The following TNXB variants were observed in gnomAD, a reference collection of about 807,000 sequenced individuals.
The protein encoded by TNXB is tenascin-X.
In TNXB, 183 loss-of-function variants were observed where a neutral mutation model predicts 340.5. The observed-to-expected ratio is 0.54, with a 90% CI of 0.48 to 0.61. The LOEUF is 0.61. TNXB is among the 20% of genes least tolerant of loss of function. TNXB has a pLI of 0.00. For synonymous variants in TNXB, 2,121 were observed against 2,314.5 expected (o/e 0.92, Z 2.40); for missense variants, 4,613 against 5,446.4 (o/e 0.85, Z 4.82).
chr6:32,101,581 A>G (rs897981531), intron 1 of TNXB, among the ~76,000 whole-genome samples: 4 of 127,110 alleles, frequency 3.1e-5, no homozygotes, highest in South Asian at 2.6e-4. Flanking sequence ...GAGCCACCGC[A>G]CCCAGCCTTT....
At chr6:32,050,552 G>A (rs955762644) in intron 26 of TNXB, among the ~76,000 whole-genome samples, 3 of 137,092 alleles carry the variant, frequency 2.2e-5, no homozygotes, top group African/African-American at 8.3e-5. Context: ...ACCTCTCCCT[G>A]TCCCTCCAGC....
In TNXB at chr6:32,064,333, C is replaced by T. The variant is rs1010377277; in HGVS notation, c.6841+488G>A. ...GTTCAAGCGATTCTCCCGCCTTAGC[C>T]TCCCGAGTAGCTGGGACTACAGGCA... On this transcript the variant is annotated intron_variant, in intron 19 of 43. Coordinates refer to ENST00000644971, the MANE Select transcript of TNXB (RefSeq NM_001365276.2). This position sits in a 1 kb window ranked among gnomAD's most constrained non-coding sequence, Gnocchi z 5.3. Among the ~76,000 whole-genome samples, 5 of 152,220 alleles carry T rather than the reference C, an allele frequency of 3.3e-5. No homozygotes were observed. The highest frequency in any genetic ancestry group is 2.6e-4 in the Admixed American group (4 of 15,286).
In TNXB at chr6:32,072,258, A is replaced by C; in HGVS notation, c.4722T>G (p.Pro1574=). 12 of 1,606,348 alleles carry C rather than the reference A, an allele frequency of 7.5e-6. No homozygotes were observed. Among genetic ancestry groups the C allele is most frequent in the Non-Finnish European group, 1.0e-5 (12 of 1,176,070 alleles). ...PPAPATEASK[P]PLEPRLGELT... is the part of the protein sequence containing the mutation. ...GCTCCCCTAGGCGTGGCTCCAGGGGAGGCTTGGAGGCCTCTGTGGCTGGGG... is the reference window on the plus strand; with the variant it reads ...GCTCCCCTAGGCGTGGCTCCAGGGGCGGCTTGGAGGCCTCTGTGGCTGGGG... Residue 1574 remains proline (P), a synonymous_variant, in exon 13 of 44, where the codon CCT becomes CCG. Coordinates refer to ENST00000644971, the MANE Select transcript of TNXB (RefSeq NM_001365276.2). The surrounding 1 kb of genome is among the most constrained non-coding windows in gnomAD (Gnocchi z 4.4).
intron 4 of TNXB, among the ~76,000 whole-genome samples, chr6:32,094,555 A>T (rs1780228346): frequency 6.6e-6 from 1 of 152,202 alleles, no homozygotes; most frequent in Non-Finnish European, 1.5e-5. Flanking sequence ...GGGGCACATG[A>T]AAAAAGCAAG....
intron 6 of TNXB, 134 bp downstream of exon 6, chr6:32,088,651 G>A: frequency 2.3e-6 from 3 of 1,281,530 alleles, no homozygotes; most frequent in Admixed American, 4.6e-5. Context: ...AAGGCCCCCA[G>A]CAGGTGCCTC....
Position 32,082,388 on chromosome 6 carries a change from T to A in TNXB, c.3446-62A>T. 6.7e-7 allele frequency: 1 copy of A among 1,483,434 alleles called. No homozygotes were observed. Among genetic ancestry groups the A allele is most frequent in the Non-Finnish European group, 9.1e-7 (1 of 1,098,452 alleles). The allele number at this position is 1,483,434 out of a possible 1,614,324, so 91.9% of individuals were successfully genotyped here. A position where few individuals can be genotyped will look rare whatever the true frequency, so the allele number is the denominator to read the frequency against. On this transcript the variant is annotated intron_variant, in intron 8 of 43. Coordinates refer to ENST00000644971, the MANE Select transcript of TNXB (RefSeq NM_001365276.2). The surrounding 1 kb of genome is among the most constrained non-coding windows in gnomAD (Gnocchi z 5.0). ...GTCCAAGGAGAATGGGGAAGCCAAA[T>A]CCCACATAGGAATGCTGTGTGAGGC...
Position 32,053,668 on chromosome 6 carries a change from T to C in TNXB, c.8511A>G (p.Thr2837=), listed in dbSNP as rs781197347. 24 of 1,613,088 alleles carry C rather than the reference T, an allele frequency of 1.5e-5. No homozygotes were observed. Among genetic ancestry groups the C allele is most frequent in the African/African-American group, 9.3e-5 (7 of 74,874 alleles). ...GAGGCTTGTTGGGGGGCTCAGGGGT[T>C]GTGGTGGGCACTGCTTGGGTGGTCT... ...EAETTQAVPT[T]TPEPPNKPRL... The change falls in exon 25 of 44, where the codon ACA becomes ACG. Residue 2837 remains threonine (T), a synonymous_variant. Coordinates refer to ENST00000644971, the MANE Select transcript of TNXB (RefSeq NM_001365276.2).
At position 32,087,126 on chromosome 6, in the gene TNXB, A is replaced by G. The variant is rs1316141105; in HGVS notation, c.2780-1008T>C. ...CTGGGGGCCCCCTGGAGCCCCGGCCAGGTAGGGCCTGAAGGTAGAAGGGGG... is the reference window on the plus strand; with the variant it reads ...CTGGGGGCCCCCTGGAGCCCCGGCCGGGTAGGGCCTGAAGGTAGAAGGGGG... On this transcript the variant is annotated intron_variant, in intron 6 of 43. Coordinates refer to ENST00000644971, the MANE Select transcript of TNXB (RefSeq NM_001365276.2). This position sits in a 1 kb window ranked among gnomAD's most constrained non-coding sequence, Gnocchi z 9.0. 1 of 395,246 alleles carries G rather than the reference A, an allele frequency of 2.5e-6. No homozygotes were observed. Among genetic ancestry groups the G allele is most frequent in the Non-Finnish European group, 5.1e-6 (1 of 195,314 alleles). The allele number at this position is 395,246 out of a possible 1,614,324, so 24.5% of individuals were successfully genotyped here. A position where few individuals can be genotyped will look rare whatever the true frequency, so the allele number is the denominator to read the frequency against.
At chr6:32,100,856 C>T (rs992684143) in intron 1 of TNXB, among the ~76,000 whole-genome samples, 2 of 151,880 alleles carry the variant, frequency 1.3e-5, no homozygotes, top group South Asian at 4.2e-4. Flanking sequence ...CTGAAGTGGG[C>T]GGATCATGAG....
rs1778228309 is a variant in TNXB at position 32,064,748 on chromosome 6, C to T, written c.6841+73G>A. The T allele has an allele frequency of 6.5e-7, 1 of 1,545,624 alleles. No homozygotes were observed. Among genetic ancestry groups the T allele is most frequent in the Non-Finnish European group, 8.7e-7 (1 of 1,147,534 alleles). The stretch of plus-strand genomic sequence containing the variant: ...GGTCTCAGGGAAAGTAAAATAAAGC[C>T]ACCAGATACTGACAATAAAAGGGAA... On this transcript the variant is annotated intron_variant, in intron 19 of 43. Transcript: ENST00000644971. The surrounding 1 kb of genome is among the most constrained non-coding windows in gnomAD (Gnocchi z 5.3).
rs759175756 is a variant in TNXB, at chr6:32,095,663, G to C, written c.2190C>G (p.His730Gln). 1 of 1,614,012 alleles carries C rather than the reference G, an allele frequency of 6.2e-7. No individual in the cohort carries two copies. The highest frequency in any genetic ancestry group is 8.5e-7 in the Non-Finnish European group (1 of 1,179,896). ...PGDCRGRGECHDGSCVCKDGY... is the reference protein window; with the variant it reads ...PGDCRGRGECQDGSCVCKDGY... ...CATCTTTGCAGACACAGCTGCCATC[G>C]TGACACTCTCCTCGGCCACGGCAGT... is the stretch of plus-strand genomic sequence containing the variant. Residue 730 changes from histidine to glutamine, a missense_variant, in exon 3 of 44, where the codon CAC becomes CAG. By Grantham distance (24) the His-to-Gln change is conservative (BLOSUM62 0). Around this residue, in one of 7 missense-constraint regions of TNXB, gnomAD observed 4,327 missense variants for 4,859.4 expected, o/e 0.89. Coordinates refer to ENST00000644971, the MANE Select transcript of TNXB (RefSeq NM_001365276.2).
chr6:32,056,005 C>T lies in TNXB; in HGVS notation c.8313G>A (p.Lys2771=), dbSNP rs762856154. The change falls in exon 24 of 44, where the codon AAG becomes AAA. Residue 2771 remains lysine (K), a synonymous_variant. Coordinates refer to ENST00000644971, the MANE Select transcript of TNXB (RefSeq NM_001365276.2). The part of the protein sequence containing the change: ...GHFDSFTVQY[K]DRDGRPQVMR... ...TCACCTGGGGCCGCCCGTCCCTGTC[C>T]TTGTACTGCACGGTGAAGGAGTCGA... The T allele has an allele frequency of 2.5e-6, 4 of 1,613,290 alleles. No individual in the cohort carries two copies. Among genetic ancestry groups the T allele is most frequent in the Non-Finnish European group, 3.4e-6 (4 of 1,179,890 alleles).
rs760257516 is a variant in TNXB, at chr6:32,052,811, G to A, written c.8974C>T (p.Arg2992Trp). 8.1e-6 allele frequency: 13 copies of A among 1,613,584 alleles called. No individual in the cohort carries two copies. In the African/African-American group the frequency reaches 1.1e-4, roughly 13 times the overall value. The stretch of plus-strand genomic sequence containing the variant: ...CCCCTGACACGCACCACCTGGGGCC[G>A]CCCGTCCCTGTCCTTGTACTGCACA... ...FTVQYKDRDGRPQVVRVRGEE... is the reference protein window; with the variant it reads ...FTVQYKDRDGWPQVVRVRGEE... Residue 2992 changes from arginine (R) to tryptophan (W), a missense_variant, in exon 26 of 44, where the codon CGG becomes TGG. Physicochemically the swap from Arg to Trp is moderately radical, Grantham distance 101. This residue lies in a region of TNXB where 4,327 missense variants were observed against 4,859.4 expected (regional missense o/e 0.89). Transcript: ENST00000644971. This position sits in a 1 kb window ranked among gnomAD's most constrained non-coding sequence, Gnocchi z 4.7.
In TNXB at chr6:32,074,161, C is replaced by T. The variant is rs986487924; in HGVS notation, c.4376-209G>A. Among the ~76,000 whole-genome samples, 5 of 152,120 alleles carry T rather than the reference C, an allele frequency of 3.3e-5. No individual in the cohort carries two copies. In the South Asian group the frequency reaches 6.2e-4, roughly 19 times the overall value. ...CCTCCCAAGTAGCTGGGACTACAGG[C>T]GTGCGCCACCATGCCTGCCTAATTT... On this transcript the variant is annotated intron_variant, in intron 11 of 43. Transcript: ENST00000644971. This position sits in a 1 kb window ranked among gnomAD's most constrained non-coding sequence, Gnocchi z 5.5.
chr6:32,072,421 C>G lies in TNXB; in HGVS notation c.4682-123G>C. On this transcript the variant is annotated intron_variant, in intron 12 of 43. Transcript: ENST00000644971. This position sits in a 1 kb window ranked among gnomAD's most constrained non-coding sequence, Gnocchi z 4.4. Reference sequence around the variant, plus strand: ...TAGTTACACCTTTACTTCCAGACCTCTAACTGAAATGCAGCATTTCTTTCC... The same window carrying G: ...TAGTTACACCTTTACTTCCAGACCTGTAACTGAAATGCAGCATTTCTTTCC... 1.4e-6 allele frequency: 1 copy of G among 726,816 alleles called. No individual in the cohort carries two copies. The highest frequency in any genetic ancestry group is 3.2e-5 in the Admixed American group (1 of 31,396). The allele number at this position is 726,816 out of a possible 1,614,324, so 45.0% of individuals were successfully genotyped here.
rs192843857 is a variant in TNXB, at chr6:32,097,059, A to C, written c.794T>G (p.Val265Gly). Reference sequence around the variant, plus strand: ...GTCACCAGTGTAGCCTGGGTCACACACGCAGCGCCCACCCTCACAGCGTCC... The same window carrying C: ...GTCACCAGTGTAGCCTGGGTCACACCCGCAGCGCCCACCCTCACAGCGTCC... Reference protein sequence around the residue: ...QRGRCEGGRCVCDPGYTGDDC... With the variant: ...QRGRCEGGRCGCDPGYTGDDC... The change falls in exon 3 of 44, where the codon GTG becomes GGG. Residue 265 changes from valine (V) to glycine (G), a missense_variant. Physicochemically the swap from Val to Gly is moderately radical, Grantham distance 109. Around this residue, in one of 7 missense-constraint regions of TNXB, gnomAD observed 4,327 missense variants for 4,859.4 expected, o/e 0.89. Coordinates refer to ENST00000644971, the MANE Select transcript of TNXB (RefSeq NM_001365276.2). This position sits in a 1 kb window ranked among gnomAD's most constrained non-coding sequence, Gnocchi z 5.9. 1.9e-6 allele frequency: 3 copies of C among 1,613,602 alleles called. No homozygotes were observed. Among genetic ancestry groups the C allele is most frequent in the East Asian group, 2.2e-5 (1 of 44,848 alleles).
intron 4 of TNXB, among the ~76,000 whole-genome samples, chr6:32,093,969 C>G (rs1390231228): frequency 6.6e-6 from 1 of 151,892 alleles, no homozygotes; most frequent in African/African-American, 2.4e-5. Context: ...TGGTGCACAC[C>G]TGTAGTCCCA....
chr6:32,052,633 C>T lies in TNXB; in HGVS notation c.9115+37G>A. 6.3e-7 allele frequency: 1 copy of T among 1,599,882 alleles called. No homozygotes were observed. The highest frequency in any genetic ancestry group is 1.1e-5 in the South Asian group (1 of 90,640). On this transcript the variant is annotated intron_variant, in intron 26 of 43. Transcript: ENST00000644971. The surrounding 1 kb of genome is among the most constrained non-coding windows in gnomAD (Gnocchi z 4.7). Reference sequence around the variant, plus strand: ...GGAGAGACAGCAGTGTCTTCCAGGGCCATCTTCCCCACCTCGCCTCACTCA... The same window carrying T: ...GGAGAGACAGCAGTGTCTTCCAGGGTCATCTTCCCCACCTCGCCTCACTCA...
In TNXB at chr6:32,073,988, A is replaced by T; in HGVS notation, c.4376-36T>A. 6.7e-7 allele frequency: 1 copy of T among 1,493,778 alleles called. No homozygotes were observed. Among genetic ancestry groups the T allele is most frequent in the African/African-American group, 1.4e-5 (1 of 71,312 alleles). 92.5% of individuals were successfully genotyped at this position (1,493,778 alleles called of 1,614,324 possible). ...GATGGTAGGGGGCTGTTAGTAAAGA[A>T]TCCCCCTTTTCTTATAGTAATGATG... is the stretch of plus-strand genomic sequence containing the variant. On this transcript the variant is annotated intron_variant, in intron 11 of 43. Transcript: ENST00000644971. This position sits in a 1 kb window ranked among gnomAD's most constrained non-coding sequence, Gnocchi z 4.6.
Sources: gnomAD v4.1 joint callset for allele counts (sites outside exome capture counted in the v4.1 genomes callset) on GRCh38, gnomAD v4.1.1 for gene constraint, gnomAD v4.1.1 regional missense constraint, Gnocchi (gnomAD v3.1) non-coding constraint, MANE v1.5 for transcripts, NCBI Gene and HGNC (gene_info 2026-07-23, HGNC 2026-07-21) for gene names.